PCSK1: variants seen among roughly 807,000 people sequenced by gnomAD.
The protein encoded by PCSK1 is proprotein convertase subtilisin/kexin type 1.
In PCSK1, 56 loss-of-function variants were observed where a neutral mutation model predicts 90.6. The ratio of observed to expected loss-of-function variants is 0.62; its 90% confidence interval spans 0.50 to 0.77. The LOEUF (loss-of-function observed/expected upper bound fraction) is 0.77, where lower values mean the gene tolerates loss of function less well. PCSK1 is among the 30% of genes least tolerant of loss of function. The pLI, the probability that PCSK1 is intolerant of heterozygous loss-of-function variation, is 0.00. For missense variants in PCSK1, 801 were observed against 932.6 expected (o/e 0.86, Z 1.84); for synonymous variants, 348 against 342.4 (o/e 1.02, Z -0.18).
intron 1 of PCSK1, 76 bp downstream of exon 1, chr5:96,432,787 C>G (rs372018086): frequency 1.2e-5 from 15 of 1,251,418 alleles, no homozygotes; most frequent in Middle Eastern, 2.7e-4. Flanking sequence ...CCTGGGGCTC[C>G]CACTTGGAAG....
chr5:96,394,552 T>C (rs1158323719), intron 13 of PCSK1, among the ~76,000 whole-genome samples: 1 of 152,214 alleles, frequency 6.6e-6, no homozygotes, highest in African/African-American at 2.4e-5. Flanking sequence ...ACAGTACAAA[T>C]GTTAGATATA....
chr5:96,418,896 A>C (rs1228833845), intron 5 of PCSK1, among the ~76,000 whole-genome samples: 2 of 152,138 alleles, frequency 1.3e-5, no homozygotes, highest in African/African-American at 4.8e-5. Flanking sequence ...CCATCGGATG[A>C]TATTATTCTT....
At chr5:96,420,081 G>A (rs1761072336) in intron 5 of PCSK1, among the ~76,000 whole-genome samples, 1 of 152,046 alleles carries the variant, frequency 6.6e-6, no homozygotes, top group Non-Finnish European at 1.5e-5. Context: ...TAACCAAGGG[G>A]GTGGAATGAA....
At chr5:96,400,288 C>A (rs1431452202) in intron 9 of PCSK1, 102 bp from the exon 10 acceptor site, 4 of 793,794 alleles carry the variant, frequency 5.0e-6, no homozygotes, top group Non-Finnish European at 9.0e-6. Flanking sequence ...TTATGAAGTG[C>A]CTTTTGCTAT....
intron 3 of PCSK1, among the ~76,000 whole-genome samples, chr5:96,425,008 A>AAAGAG (rs1554059749): frequency 8.5e-6 from 1 of 117,478 alleles, no homozygotes; most frequent in Non-Finnish European, 1.7e-5. Flanking sequence ...AGAAAGAAAG[A>AAAGAG]AAAGAAAGAA....
intron 5 of PCSK1, among the ~76,000 whole-genome samples, chr5:96,416,561 C>T (rs1760943843): frequency 1.3e-5 from 2 of 152,186 alleles, no homozygotes; most frequent in African/African-American, 4.8e-5. Context: ...CACTTTTCTC[C>T]CTAGTGACTG....
intron 6 of PCSK1, among the ~76,000 whole-genome samples, chr5:96,415,591 G>T (rs114216895): frequency 6.6e-6 from 1 of 152,040 alleles, no homozygotes. Context: ...ATAAAATTTG[G>T]CTATTTAATA....
chr5:96,406,017 C>T (rs1452334044), intron 9 of PCSK1, among the ~76,000 whole-genome samples: 3 of 152,142 alleles, frequency 2.0e-5, no homozygotes, highest in Non-Finnish European at 4.4e-5. Context: ...TGCACAGGAT[C>T]CTATAATCCA....
At chr5:96,432,150 G>A in intron 1 of PCSK1, 3 of 1,534,566 alleles carry the variant, frequency 2.0e-6, no homozygotes, top group Non-Finnish European at 2.6e-6. Context: ...ACCCTGCAGT[G>A]GGACTGGCCG....
intron 2 of PCSK1, among the ~76,000 whole-genome samples, chr5:96,427,149 A>G (rs1324740729): frequency 6.6e-6 from 1 of 152,202 alleles, no homozygotes; most frequent in Admixed American, 6.5e-5. Flanking sequence ...TGCATTTCAC[A>G]GGGCTGATTT....
chr5:96,423,571 C>T (rs1561375465), intron 3 of PCSK1, 112 bp from the exon 4 acceptor site: 1 of 961,356 alleles, frequency 1.0e-6, no homozygotes, highest in Non-Finnish European at 1.6e-6. Context: ...GGTCACTCTA[C>T]TCTTTAGAAG....
chr5:96,404,616 C>T (rs1760494011), intron 9 of PCSK1, among the ~76,000 whole-genome samples: 1 of 152,112 alleles, frequency 6.6e-6, no homozygotes, highest in Non-Finnish European at 1.5e-5. Context: ...CATTTATCAG[C>T]CTCAATCTTC....
rs201179293 is a variant in PCSK1 at position 96,393,229 on chromosome 5, G to A, written c.2034C>T (p.Asn678=). 8 of 1,614,046 alleles carry A rather than the reference G, an allele frequency of 5.0e-6. No individual in the cohort carries two copies. The highest frequency in any genetic ancestry group is 2.2e-5 in the East Asian group (1 of 44,870). The change falls in exon 14 of 14, where the codon AAC becomes AAT. Residue 678 remains asparagine (N), a synonymous_variant. Transcript: ENST00000311106. ...TCTTTGGTGATTGCTTTGGCGGTGAGTTTTTACTGAAAGCACTTTGCAGGA... is the reference window on the plus strand; with the variant it reads ...TCTTTGGTGATTGCTTTGGCGGTGAATTTTTACTGAAAGCACTTTGCAGGA... ...LRLLQSAFSK[N]SPPKQSPKKS...
intron 9 of PCSK1, among the ~76,000 whole-genome samples, chr5:96,406,409 G>T (rs1323771123): frequency 2.0e-5 from 3 of 152,144 alleles, no homozygotes; most frequent in Non-Finnish European, 4.4e-5. Flanking sequence ...TCTGAACATA[G>T]CTTTTCTGGA....
At position 96,391,808 on chromosome 5, in the gene PCSK1, A is replaced by G. The variant is rs1346044478; in HGVS notation, c.*1193T>C. 6.6e-6 allele frequency: 1 copy of G among 152,184 alleles called. No individual in the cohort carries two copies. The allele number at this position is 152,184 out of a possible 1,614,324, so 9.4% of individuals were successfully genotyped here. A position where few individuals can be genotyped will look rare whatever the true frequency, so the allele number is the denominator to read the frequency against. On this transcript the variant is annotated 3_prime_UTR_variant, in exon 14 of 14. Transcript: ENST00000311106. Reference sequence around the variant, plus strand: ...TATGTGAAACATCATATTTTCAATAACCACTCATATTTTAAAAACATTCTG... The same window carrying G: ...TATGTGAAACATCATATTTTCAATAGCCACTCATATTTTAAAAACATTCTG...
At chr5:96,399,345 G>GC (rs899518666) in intron 10 of PCSK1, among the ~76,000 whole-genome samples, 29 of 152,272 alleles carry the variant, frequency 1.9e-4, no homozygotes, top group African/African-American at 7.0e-4. Flanking sequence ...CTGAAGGCAT[G>GC]CCCCAAGCCT....
chr5:96,432,069 A>C, intron 1 of PCSK1: 3 of 1,525,018 alleles, frequency 2.0e-6, no homozygotes, highest in Non-Finnish European at 2.6e-6. Context: ...ATTCCCGGGA[A>C]AACGATTACG....
chr5:96,413,802 A>C (rs1580757946), intron 6 of PCSK1, among the ~76,000 whole-genome samples: 1 of 3,474 alleles, frequency 2.9e-4, no homozygotes, highest in Admixed American at 2.1e-3. Flanking sequence ...CTCTGTCTCA[A>C]AAAAAAAAAA....
chr5:96,412,509 A>G lies in PCSK1; in HGVS notation c.710-19T>C. ...CTTATGCCTGAGAAACAAAATAAAC[A>G]AAGACACACAAAGGTTGATGTCAGT... is the stretch of plus-strand genomic sequence containing the variant. On this transcript the variant is annotated intron_variant, in intron 6 of 13. Transcript: ENST00000311106. The G allele has an allele frequency of 6.2e-7, 1 of 1,608,952 alleles. No homozygotes were observed. The highest frequency in any genetic ancestry group is 8.5e-7 in the Non-Finnish European group (1 of 1,175,446).
Sources: gnomAD v4.1 joint callset for allele counts (sites outside exome capture counted in the v4.1 genomes callset) on GRCh38, gnomAD v4.1.1 for gene constraint, MANE v1.5 for transcripts, NCBI Gene and HGNC (gene_info 2026-07-23, HGNC 2026-07-21) for gene names.